The following NAA80 variants were observed in gnomAD, a reference collection of about 807,000 sequenced individuals.
NAA80 encodes N-alpha-acetyltransferase 80, NatH catalytic subunit.
In NAA80, 5 loss-of-function variants were observed where a neutral mutation model predicts 8.7. That is an observed-to-expected ratio of 0.58 (90% CI 0.30 to 1.21). NAA80 has a LOEUF of 1.21. Ranked by LOEUF, NAA80 falls within the 50% of genes most tolerant of loss-of-function variation. The pLI is 0.07. For missense variants in NAA80, 360 were observed against 368.6 expected (o/e 0.98, Z 0.19); for synonymous variants, 149 against 156.6 (o/e 0.95, Z 0.36).
Position 50,297,170 on chromosome 3 carries a change from T to C in NAA80, c.294A>G (p.Ser98=). 6.2e-7 allele frequency: 1 copy of C among 1,607,292 alleles called. No homozygotes were observed. The highest frequency in any genetic ancestry group is 8.5e-7 in the Non-Finnish European group (1 of 1,175,880). ...GCATCAGGCAGAGGGGGAAGGCATC[T>C]GAGGACTGGCCCAGGGAGTGCAGGC... The part of the protein sequence containing the change: ...TSRLHSLGQS[S]DAFPLCLMLL... Residue 98 remains serine (S), a synonymous_variant, in exon 2 of 2, where the codon TCA becomes TCG. Transcript: ENST00000443094. The surrounding 1 kb of genome is among the most constrained non-coding windows in gnomAD (Gnocchi z 4.3).
chr3:50,296,916 T>C lies in NAA80; in HGVS notation c.548A>G (p.Tyr183Cys), dbSNP rs782806200. 56 of 1,609,676 alleles carry C rather than the reference T, an allele frequency of 3.5e-5. No homozygotes were observed. The highest frequency in any genetic ancestry group is 4.3e-5 in the Non-Finnish European group (51 of 1,178,852). Residue 183 changes from tyrosine to cysteine, a missense_variant, in exon 2 of 2, where the codon TAT becomes TGT. Tyr to Cys is a radical substitution (Grantham distance 194, BLOSUM62 -2). Coordinates refer to ENST00000443094, the MANE Select transcript of NAA80 (RefSeq NM_001200016.2). The stretch of plus-strand genomic sequence containing the variant: ...ACCCAGCTGGTAGCCCAGGTGGGTA[T>C]AGAAGTGCACCTGGTCATGGGTGGT... ...HLTTHDQVHF[Y>C]THLGYQLGEP... is the part of the protein sequence containing the mutation.
chr3:50,298,744 C>T, intron 1 of NAA80: 1 of 1,018,772 alleles, frequency 9.8e-7, no homozygotes, highest in Non-Finnish European at 1.2e-6. Context: ...AGCTTGAGGC[C>T]AATTAAACAC....
At chr3:50,298,776 CT>C in intron 1 of NAA80, 1 of 1,068,376 alleles carries the variant, frequency 9.4e-7, no homozygotes, top group Non-Finnish European at 1.1e-6. Flanking sequence ...AGGCACCCCC[CT>C]CCCCTCACCT....
rs1701886664 is a variant in NAA80, at chr3:50,297,192, A to AGGC, written c.269_271dup (p.Arg90dup). On this transcript the variant is annotated inframe_insertion, in exon 2 of 2. Transcript: ENST00000443094. This position sits in a 1 kb window ranked among gnomAD's most constrained non-coding sequence, Gnocchi z 4.3. ...ATCTGAGGACTGGCCCAGGGAGTGC[A>AGGC]GGCGGGAGGTGCGGCTGCGGGGCCA... 2 of 1,612,304 alleles carry AGGC rather than the reference A, an allele frequency of 1.2e-6. No individual in the cohort carries two copies. The highest frequency in any genetic ancestry group is 8.5e-7 in the Non-Finnish European group (1 of 1,179,070).
In NAA80 at chr3:50,299,330, A is replaced by C. The variant is rs927087159; in HGVS notation, c.-327T>G. 5 of 1,594,374 alleles carry C rather than the reference A, an allele frequency of 3.1e-6. No individual in the cohort carries two copies. In the Admixed American group the frequency reaches 5.2e-5, roughly 17 times the overall value. ...ACGTTGGCCCCCAGCGGTGCGGCGG[A>C]TGTTCTGCAGCCGTCGCGTCCTGCG... On this transcript the variant is annotated 5_prime_UTR_variant, in exon 1 of 2. Coordinates refer to ENST00000443094, the MANE Select transcript of NAA80 (RefSeq NM_001200016.2).
Position 50,297,196 on chromosome 3 carries a change from G to A in NAA80, c.268C>T (p.Arg90Cys), listed in dbSNP as rs1701886752. The part of the protein sequence containing the change: ...NDQWPRSRTS[R>C]LHSLGQSSDA... ...GAGGACTGGCCCAGGGAGTGCAGGCGGGAGGTGCGGCTGCGGGGCCACTGA... is the reference window on the plus strand; with the variant it reads ...GAGGACTGGCCCAGGGAGTGCAGGCAGGAGGTGCGGCTGCGGGGCCACTGA... Residue 90 changes from arginine (R) to cysteine (C), a missense_variant, in exon 2 of 2, where the codon CGC becomes TGC. Transcript: ENST00000443094. This position sits in a 1 kb window ranked among gnomAD's most constrained non-coding sequence, Gnocchi z 4.3. 1 of 1,612,612 alleles carries A rather than the reference G, an allele frequency of 6.2e-7. No individual in the cohort carries two copies. Among genetic ancestry groups the A allele is most frequent in the Non-Finnish European group, 8.5e-7 (1 of 1,179,198 alleles).
Position 50,296,893 on chromosome 3 carries a change from C to G in NAA80, c.571G>C (p.Gly191Arg). The change falls in exon 2 of 2, where the codon GGT becomes CGT. Residue 191 changes from glycine (G) to arginine (R), a missense_variant. Coordinates refer to ENST00000443094, the MANE Select transcript of NAA80 (RefSeq NM_001200016.2). ...AAGACCAGGCCCTGCACAGGCTCAC[C>G]CAGCTGGTAGCCCAGGTGGGTATAG... is the stretch of plus-strand genomic sequence containing the variant. Reference protein sequence around the residue: ...HFYTHLGYQLGEPVQGLVFTS... With the variant: ...HFYTHLGYQLREPVQGLVFTS... The G allele has an allele frequency of 6.2e-7, 1 of 1,607,552 alleles. No individual in the cohort carries two copies. The highest frequency in any genetic ancestry group is 8.5e-7 in the Non-Finnish European group (1 of 1,177,780).
intron 1 of NAA80, 183 bp downstream of exon 1, chr3:50,299,030 A>C: frequency 6.5e-7 from 1 of 1,531,722 alleles, no homozygotes; most frequent in Non-Finnish European, 8.7e-7. Context: ...CTAGTGGGTC[A>C]CAGGCTGTGG....
chr3:50,298,357 C>A lies in NAA80; in HGVS notation c.-209-685G>T, dbSNP rs145949543. On this transcript the variant is annotated intron_variant, in intron 1 of 1. Coordinates refer to ENST00000443094, the MANE Select transcript of NAA80 (RefSeq NM_001200016.2). ...GGAGCCCATGGCCCCCTTCCCAACT[C>A]TGCCCATCTCAGGACACTTTGGATA... 4.9e-4 allele frequency among the ~76,000 whole-genome samples: 75 copies of A among 152,246 alleles called. 1 individual carries two copies. The East Asian group carries it at 0.014, about 29-fold the overall frequency.
chr3:50,299,292 C>T lies in NAA80; in HGVS notation c.-289G>A, dbSNP rs1318587109. The T allele has an allele frequency of 6.2e-7, 1 of 1,612,550 alleles. No individual in the cohort carries two copies. The highest frequency in any genetic ancestry group is 1.3e-5 in the African/African-American group (1 of 74,930). On this transcript the variant is annotated 5_prime_UTR_variant, in exon 1 of 2. Coordinates refer to ENST00000443094, the MANE Select transcript of NAA80 (RefSeq NM_001200016.2). ...TCTCACTCAGTCGCCACCTCGGACT[C>T]CTCGGTCCGACAACGTTGGCCCCCA...
chr3:50,298,463 C>T (rs1553711750), intron 1 of NAA80, among the ~76,000 whole-genome samples: 1 of 151,826 alleles, frequency 6.6e-6, no homozygotes. Context: ...AGTATTGCCT[C>T]TGCAGGCTTG....
At position 50,297,731 on chromosome 3, in the gene NAA80, A is replaced by G; in HGVS notation, c.-209-59T>C. The G allele has an allele frequency of 7.4e-7, 1 of 1,355,426 alleles. No individual in the cohort carries two copies. Among genetic ancestry groups the G allele is most frequent in the African/African-American group, 1.5e-5 (1 of 67,526 alleles). 84.0% of individuals were successfully genotyped at this position (1,355,426 alleles called of 1,614,324 possible). A position where few individuals can be genotyped will look rare whatever the true frequency, so the allele number is the denominator to read the frequency against. On this transcript the variant is annotated intron_variant, in intron 1 of 1. Transcript: ENST00000443094. This position sits in a 1 kb window ranked among gnomAD's most constrained non-coding sequence, Gnocchi z 4.3. ...AGGGAGGGTGGGGTTGGAGCAGGGA[A>G]GGGCTGACAGAGTGCAGGGGGGACC...
intron 1 of NAA80, among the ~76,000 whole-genome samples, chr3:50,298,606 T>C (rs587686266): frequency 2.0e-4 from 30 of 151,994 alleles, no homozygotes; most frequent in Non-Finnish European, 4.3e-4. Flanking sequence ...TGTTTTCCCA[T>C]CTTAACCAAG....
Position 50,297,280 on chromosome 3 carries a change from G to C in NAA80, c.184C>G (p.Leu62Val), listed in dbSNP as rs781884317. 7 of 1,606,010 alleles carry C rather than the reference G, an allele frequency of 4.4e-6. No individual in the cohort carries two copies. The South Asian group carries it at 7.7e-5, about 18-fold the overall frequency. ...TCGGGTCGGCGGTGCACAGGCTCCA[G>C]GGTCAACTCAGCCAGGCTAGGAGCT... is the stretch of plus-strand genomic sequence containing the variant. ...TPAPSLAELT[L>V]EPVHRRPELL... Residue 62 changes from leucine (L) to valine (V), a missense_variant, in exon 2 of 2, where the codon CTG becomes GTG. Physicochemically the swap from Leu to Val is conservative, Grantham distance 32. Coordinates refer to ENST00000443094, the MANE Select transcript of NAA80 (RefSeq NM_001200016.2). The surrounding 1 kb of genome is among the most constrained non-coding windows in gnomAD (Gnocchi z 4.3).
chr3:50,298,839 C>T, intron 1 of NAA80: 1 of 1,216,446 alleles, frequency 8.2e-7, no homozygotes. Flanking sequence ...GCCACCTCTG[C>T]AGCAGCCGCA....
At position 50,296,640 on chromosome 3, in the gene NAA80, C is replaced by G; in HGVS notation, c.824G>C (p.Arg275Thr). 3.7e-6 allele frequency: 6 copies of G among 1,614,080 alleles called. No individual in the cohort carries two copies. Among genetic ancestry groups the G allele is most frequent in the Non-Finnish European group, 5.1e-6 (6 of 1,180,014 alleles). ...SLLETQYQNV[R>T]GRPIFWMEKD... is the part of the protein sequence containing the mutation. The stretch of plus-strand genomic sequence containing the variant: ...TTCCATCCAGAATATGGGGCGCCCC[C>G]TCACATTTTGATATTGTGTCTCCAG... Residue 275 changes from arginine (R) to threonine (T), a missense_variant, in exon 2 of 2, where the codon AGG becomes ACG. Coordinates refer to ENST00000443094, the MANE Select transcript of NAA80 (RefSeq NM_001200016.2).
Position 50,297,158 on chromosome 3 carries a change from G to A in NAA80, c.306C>T (p.Pro102=), listed in dbSNP as rs2109291693. 6.2e-7 allele frequency: 1 copy of A among 1,602,342 alleles called. No homozygotes were observed. The highest frequency in any genetic ancestry group is 2.2e-5 in the East Asian group (1 of 44,686). The change falls in exon 2 of 2, where the codon CCC becomes CCT. Residue 102 remains proline, a synonymous_variant. Coordinates refer to ENST00000443094, the MANE Select transcript of NAA80 (RefSeq NM_001200016.2). This position sits in a 1 kb window ranked among gnomAD's most constrained non-coding sequence, Gnocchi z 4.3. The part of the protein sequence containing the change: ...HSLGQSSDAF[P]LCLMLLSPHP... Reference sequence around the variant, plus strand: ...GGGGGCTTAGCAGCATCAGGCAGAGGGGGAAGGCATCTGAGGACTGGCCCA... The same window carrying A: ...GGGGGCTTAGCAGCATCAGGCAGAGAGGGAAGGCATCTGAGGACTGGCCCA...
rs782362952 is a variant in NAA80, at chr3:50,297,205, G to T, written c.259C>A (p.Arg87Ser). 6.2e-7 allele frequency: 1 copy of T among 1,612,546 alleles called. No individual in the cohort carries two copies. The highest frequency in any genetic ancestry group is 1.3e-5 in the African/African-American group (1 of 74,868). Reference sequence around the variant, plus strand: ...CCCAGGGAGTGCAGGCGGGAGGTGCGGCTGCGGGGCCACTGATCATTGATG... The same window carrying T: ...CCCAGGGAGTGCAGGCGGGAGGTGCTGCTGCGGGGCCACTGATCATTGATG... ...DLINDQWPRS[R>S]TSRLHSLGQS... The change falls in exon 2 of 2, where the codon CGC becomes AGC. Residue 87 changes from arginine (R) to serine (S), a missense_variant. Coordinates refer to ENST00000443094, the MANE Select transcript of NAA80 (RefSeq NM_001200016.2). This position sits in a 1 kb window ranked among gnomAD's most constrained non-coding sequence, Gnocchi z 4.3.
chr3:50,297,126 G>A lies in NAA80; in HGVS notation c.338C>T (p.Thr113Ile). 6.4e-7 allele frequency: 1 copy of A among 1,569,010 alleles called. No individual in the cohort carries two copies. Among genetic ancestry groups the A allele is most frequent in the Non-Finnish European group, 8.7e-7 (1 of 1,155,364 alleles). ...LCLMLLSPHP[T>I]LEAAPVVVGH... ...CACCACAACGGGTGCTGCTTCAAGT[G>A]TGGGGTGGGGGCTTAGCAGCATCAG... Residue 113 changes from threonine (T) to isoleucine (I), a missense_variant, in exon 2 of 2, where the codon ACA becomes ATA. Physicochemically the swap from Thr to Ile is moderately conservative, Grantham distance 89. Coordinates refer to ENST00000443094, the MANE Select transcript of NAA80 (RefSeq NM_001200016.2). The surrounding 1 kb of genome is among the most constrained non-coding windows in gnomAD (Gnocchi z 4.3).
Sources: allele counts gnomAD v4.1 joint callset (sites outside exome capture counted in the v4.1 genomes callset), GRCh38; gene constraint gnomAD v4.1.1; non-coding constraint Gnocchi (gnomAD v3.1); transcripts MANE v1.5; gene names NCBI Gene and HGNC (gene_info 2026-07-23, HGNC 2026-07-21).